NFRKB: variants seen among roughly 807,000 people sequenced by gnomAD.
The protein encoded by NFRKB is nuclear factor related to kappa-B-binding protein.
In NFRKB, 62 loss-of-function variants were observed where a neutral mutation model predicts 135.7. The ratio of observed to expected loss-of-function variants is 0.46; its 90% CI spans 0.37 to 0.56. The LOEUF (loss-of-function observed/expected upper bound fraction) is 0.56, where lower values mean the gene tolerates loss of function less well. Among genes scored for constraint, NFRKB ranks in the 20% least tolerant of loss-of-function variants. The pLI, the probability that NFRKB is intolerant of heterozygous loss-of-function variation, is 0.00. For synonymous variants in NFRKB, 678 were observed against 635.6 expected, an observed-to-expected ratio of 1.07 and a Z score of -1.00; for missense variants, 1,545 against 1,662.0, an observed-to-expected ratio of 0.93 and a Z score of 1.22.
chr11:129,864,506 A>G lies in NFRKB; in HGVS notation c.*219T>C. ...ACAGAATATTCTCCTAGATTGGTAG[A>G]GAGCAGACCTTGGAACCCTGGAGTG... On this transcript the variant is annotated 3_prime_UTR_variant, in exon 27 of 27. Transcript: ENST00000682444. The G allele has an allele frequency of 3.6e-6, 2 of 554,362 alleles. No individual in the cohort carries two copies. Among genetic ancestry groups the G allele is most frequent in the Non-Finnish European group, 6.4e-6 (2 of 313,098 alleles). The allele number at this position is 554,362 out of a possible 1,614,324, so 34.3% of individuals were successfully genotyped here. A position where few individuals can be genotyped will look rare whatever the true frequency, so the allele number is the denominator to read the frequency against.
At chr11:129,881,630 G>A in intron 12 of NFRKB, 97 bp downstream of exon 12, 1 of 1,579,180 alleles carries the variant, frequency 6.3e-7, no homozygotes, top group Middle Eastern at 1.7e-4. Flanking sequence ...ATTATGCAAA[G>A]GCATGATGGA....
intron 5 of NFRKB, among the ~76,000 whole-genome samples, chr11:129,885,875 T>C (rs1949252713): frequency 6.6e-6 from 1 of 152,214 alleles, no homozygotes; most frequent in South Asian, 2.1e-4. Flanking sequence ...CACCAAAGCT[T>C]AAAGGATGAC....
rs1565383342 is a variant in NFRKB, at chr11:129,865,059, T to G, written c.3681A>C (p.Pro1227=). ...TGCCAGCAATGAGCTTAGTGCCTGC[T>G]GGCATAGTTGTGAGGATGATGTTGC... The part of the protein sequence containing the change: ...LGRNIILTTM[P]AGTKLIAGNK... The change falls in exon 26 of 27, where the codon CCA becomes CCC. Residue 1227 remains proline (P), a synonymous_variant. Coordinates refer to ENST00000682444, the MANE Select transcript of NFRKB (RefSeq NM_001143835.2). 3 of 1,612,182 alleles carry G rather than the reference T, an allele frequency of 1.9e-6. No homozygotes were observed. The highest frequency in any genetic ancestry group is 2.5e-6 in the Non-Finnish European group (3 of 1,179,678).
rs1441525267 is a variant in NFRKB at position 129,873,787 on chromosome 11, G to C, written c.2508C>G (p.Ile836Met). The change falls in exon 22 of 27, where the codon ATC becomes ATG. Residue 836 changes from isoleucine (I) to methionine (M), a missense_variant. By Grantham distance (10) the Ile-to-Met change is conservative. Coordinates refer to ENST00000682444, the MANE Select transcript of NFRKB (RefSeq NM_001143835.2). ...TLPQMPAGPQIRVPATATQTK... is the reference protein window; with the variant it reads ...TLPQMPAGPQMRVPATATQTK... Reference sequence around the variant, plus strand: ...TCTGTGTGGCAGTGGCTGGAACCCGGATCTGCGGTCCTGCTGGCATCTGTG... The same window carrying C: ...TCTGTGTGGCAGTGGCTGGAACCCGCATCTGCGGTCCTGCTGGCATCTGTG... The C allele has an allele frequency of 6.2e-7, 1 of 1,614,042 alleles. No homozygotes were observed. Among genetic ancestry groups the C allele is most frequent in the Non-Finnish European group, 8.5e-7 (1 of 1,180,028 alleles).
rs1400632504 is a variant in NFRKB at position 129,874,421 on chromosome 11, C to A, written c.2058+80G>T. On this transcript the variant is annotated intron_variant, in intron 20 of 26. Transcript: ENST00000682444. This position sits in a 1 kb window ranked among gnomAD's most constrained non-coding sequence, Gnocchi z 4.5. The stretch of plus-strand genomic sequence containing the variant: ...CCCCTACAGCTCCTGATGCCCCACA[C>A]CAAGTGAAAGCCGAGCAGCCACTCT... 4.8e-5 allele frequency: 75 copies of A among 1,554,036 alleles called. No homozygotes were observed. Among genetic ancestry groups the A allele is most frequent in the Non-Finnish European group, 6.2e-5 (71 of 1,151,782 alleles).
intron 24 of NFRKB, among the ~76,000 whole-genome samples, chr11:129,867,905 G>T (rs1396467470): frequency 6.6e-6 from 1 of 152,172 alleles, no homozygotes; most frequent in Non-Finnish European, 1.5e-5. Context: ...TCAAGCTAGT[G>T]GGGGAAGCAA....
At chr11:129,883,576 C>A (rs1240661418) in intron 8 of NFRKB, among the ~76,000 whole-genome samples, 3 of 152,170 alleles carry the variant, frequency 2.0e-5, no homozygotes, top group Non-Finnish European at 2.9e-5. Flanking sequence ...TCAGTACTGA[C>A]TTCTGATGTG....
chr11:129,892,343 C>T (rs1949596527), intron 3 of NFRKB, among the ~76,000 whole-genome samples: 1 of 131,470 alleles, frequency 7.6e-6, no homozygotes, highest in Non-Finnish European at 1.8e-5. Flanking sequence ...GAATAATGAC[C>T]TCCAATTCCA....
At chr11:129,890,271 T>C (rs967807858) in intron 3 of NFRKB, among the ~76,000 whole-genome samples, 1 of 152,120 alleles carries the variant, frequency 6.6e-6, no homozygotes, top group Admixed American at 6.6e-5. Flanking sequence ...TCAGTCCCAA[T>C]GCCCAGGATC....
intron 17 of NFRKB, among the ~76,000 whole-genome samples, chr11:129,876,519 T>C (rs1232871840): frequency 1.3e-5 from 2 of 152,112 alleles, no homozygotes; most frequent in East Asian, 1.9e-4. Context: ...TGAACATAAA[T>C]GTAAGCCCAG....
intron 23 of NFRKB, among the ~76,000 whole-genome samples, chr11:129,870,843 G>C (rs997773803): frequency 1.3e-5 from 2 of 152,002 alleles, no homozygotes; most frequent in Admixed American, 6.6e-5. Context: ...ACTGGACTAC[G>C]GCCATCAGAA....
In NFRKB at chr11:129,895,499, A is replaced by C. The variant is rs556232232; in HGVS notation, c.-105T>G. On this transcript the variant is annotated 5_prime_UTR_variant, in exon 1 of 27. Coordinates refer to ENST00000682444, the MANE Select transcript of NFRKB (RefSeq NM_001143835.2). Reference sequence around the variant, plus strand: ...GCCGCCCCTTGCCCGCCCTCACCTGAACCGCGGGCGCCGGCCCCCTAACCC... The same window carrying C: ...GCCGCCCCTTGCCCGCCCTCACCTGCACCGCGGGCGCCGGCCCCCTAACCC... The C allele has an allele frequency of 4.3e-4, 66 of 152,384 alleles. No individual in the cohort carries two copies. Among genetic ancestry groups the C allele is most frequent in the African/African-American group, 1.3e-3 (52 of 41,552 alleles). 9.4% of individuals were successfully genotyped at this position (152,384 alleles called of 1,614,324 possible).
At position 129,874,405 on chromosome 11, in the gene NFRKB, C is replaced by G. The variant is rs1182137885; in HGVS notation, c.2059-72G>C. 5 of 1,536,412 alleles carry G rather than the reference C, an allele frequency of 3.3e-6. No homozygotes were observed. The highest frequency in any genetic ancestry group is 3.5e-6 in the Non-Finnish European group (4 of 1,143,524). On this transcript the variant is annotated intron_variant, in intron 20 of 26. Coordinates refer to ENST00000682444, the MANE Select transcript of NFRKB (RefSeq NM_001143835.2). This position sits in a 1 kb window ranked among gnomAD's most constrained non-coding sequence, Gnocchi z 4.5. ...CCTAAAGGAAGGGACACCCCTACAG[C>G]TCCTGATGCCCCACACCAAGTGAAA...
intron 3 of NFRKB, among the ~76,000 whole-genome samples, chr11:129,891,749 A>G (rs953540662): frequency 6.6e-6 from 1 of 152,244 alleles, no homozygotes; most frequent in African/African-American, 2.4e-5. Flanking sequence ...AAACTACTAC[A>G]TTTAGTGATA....
Position 129,869,998 on chromosome 11 carries a change from G to A in NFRKB, c.3027C>T (p.Thr1009=). ...GNTTGKGISA[T]LHVTSNPVHA... ...GTACTGGATTGGAAGTGACGTGTAA[G>A]GTGGCAGAGATGCCTTTGCCTGTAG... is the stretch of plus-strand genomic sequence containing the variant. The change falls in exon 24 of 27, where the codon ACC becomes ACT. Residue 1009 remains threonine, a synonymous_variant. Transcript: ENST00000682444. The A allele has an allele frequency of 6.2e-7, 1 of 1,614,268 alleles. No individual in the cohort carries two copies. Among genetic ancestry groups the A allele is most frequent in the Non-Finnish European group, 8.5e-7 (1 of 1,180,048 alleles).
At chr11:129,886,293 T>C (rs781284926) in intron 5 of NFRKB, 24 bp downstream of exon 5, 5 of 1,601,652 alleles carry the variant, frequency 3.1e-6, no homozygotes, top group Admixed American at 1.7e-5. Flanking sequence ...CCACATTTTA[T>C]ATCCAGTTCC....
chr11:129,885,293 G>GA (rs1280976922), intron 6 of NFRKB, 142 bp downstream of exon 6: 1 of 902,316 alleles, frequency 1.1e-6, no homozygotes, highest in African/African-American at 1.7e-5. Flanking sequence ...AAGGCCTTCT[G>GA]AGTCCCGCTA....
At chr11:129,883,916 C>T (rs921894152) in intron 8 of NFRKB, among the ~76,000 whole-genome samples, 154 bp downstream of exon 8, 1 of 152,194 alleles carries the variant, frequency 6.6e-6, no homozygotes, top group African/African-American at 2.4e-5. Flanking sequence ...TGCCTCACAT[C>T]GTTGATGCTA....
chr11:129,868,477 T>TG (rs1379054453), intron 24 of NFRKB, among the ~76,000 whole-genome samples: 3 of 152,236 alleles, frequency 2.0e-5, no homozygotes, highest in Non-Finnish European at 4.4e-5. Context: ...GGCGTGCTGA[T>TG]GGGGCACATG....
Sources: allele counts gnomAD v4.1 joint callset (sites outside exome capture counted in the v4.1 genomes callset), GRCh38; gene constraint gnomAD v4.1.1; non-coding constraint Gnocchi (gnomAD v3.1); transcripts MANE v1.5; gene names NCBI Gene and HGNC (gene_info 2026-07-23, HGNC 2026-07-21).